The following TMC1 variants were observed in gnomAD, a reference collection of about 807,000 sequenced individuals.
TMC1 encodes transmembrane channel-like protein 1.
Under a neutral mutation model 105.8 loss-of-function variants are expected in TMC1, and 84 were observed. That is an observed-to-expected ratio of 0.79 (90% CI 0.67 to 0.95). The LOEUF (loss-of-function observed/expected upper bound fraction) is 0.95, where lower values mean the gene tolerates loss of function less well. TMC1 is among the 40% of genes least tolerant of loss of function. The pLI is 0.00. For missense variants in TMC1, 817 were observed against 914.1 expected, an observed-to-expected ratio of 0.89 and a Z score of 1.37; for synonymous variants, 315 against 311.5, an observed-to-expected ratio of 1.01 and a Z score of -0.12.
chr9:72,541,456 G>T (rs1426909300), intron 1 of TMC1, among the ~76,000 whole-genome samples: 9 of 152,150 alleles, frequency 5.9e-5, no homozygotes, highest in African/African-American at 2.2e-4. Context: ...GGGAGGCTGA[G>T]GCGGGCCGAT....
chr9:72,724,541 C>T (rs1827083736), intron 8 of TMC1, among the ~76,000 whole-genome samples: 1 of 146,138 alleles, frequency 6.8e-6, no homozygotes, highest in Admixed American at 6.9e-5. Context: ...AAATCTTAAA[C>T]TTCAAATAAA....
At chr9:72,601,563 T>G (rs1824816583) in intron 2 of TMC1, among the ~76,000 whole-genome samples, 1 of 152,174 alleles carries the variant, frequency 6.6e-6, no homozygotes, top group Non-Finnish European at 1.5e-5. Flanking sequence ...GAGAATCGCT[T>G]GAACCCAAGA....
intron 5 of TMC1, among the ~76,000 whole-genome samples, chr9:72,660,073 A>T (rs1825950743): frequency 6.6e-6 from 1 of 152,074 alleles, no homozygotes; most frequent in Non-Finnish European, 1.5e-5. Flanking sequence ...CACTGTGTGG[A>T]TTGAAGTGGC....
At chr9:72,619,626 T>G in intron 3 of TMC1, among the ~76,000 whole-genome samples, 1 of 151,876 alleles carries the variant, frequency 6.6e-6, no homozygotes, top group East Asian at 1.9e-4. Context: ...TTATATTTTT[T>G]TAATACAAAA....
At chr9:72,683,203 A>G (rs775524112) in intron 5 of TMC1, among the ~76,000 whole-genome samples, 2 of 152,134 alleles carry the variant, frequency 1.3e-5, no homozygotes, top group Non-Finnish European at 2.9e-5. Flanking sequence ...CAAGTGGCTC[A>G]TTGTTGGGCA....
chr9:72,710,463 T>C (rs1394554364), intron 8 of TMC1, among the ~76,000 whole-genome samples: 2 of 152,308 alleles, frequency 1.3e-5, no homozygotes, highest in South Asian at 2.1e-4. Flanking sequence ...CCCACTATTA[T>C]TGTGTTGCTG....
At chr9:72,662,925 A>G (rs1472277311) in intron 5 of TMC1, among the ~76,000 whole-genome samples, 1 of 152,248 alleles carries the variant, frequency 6.6e-6, no homozygotes, top group African/African-American at 2.4e-5. Context: ...TTGCTTAACA[A>G]CTGGGATATA....
chr9:72,784,554 CAG>C (rs1828140579), intron 13 of TMC1, among the ~76,000 whole-genome samples: 1 of 152,166 alleles, frequency 6.6e-6, no homozygotes, highest in Admixed American at 6.5e-5. Context: ...GAACTCAAAA[CAG>C]AACTACCATT....
At chr9:72,705,186 A>G (rs571889209) in intron 8 of TMC1, among the ~76,000 whole-genome samples, 1 of 152,286 alleles carries the variant, frequency 6.6e-6, no homozygotes, top group African/African-American at 2.4e-5. Flanking sequence ...ATACCCAGGT[A>G]GAAAGTAACA....
At chr9:72,749,185 G>A (rs1827538899) in intron 10 of TMC1, among the ~76,000 whole-genome samples, 1 of 152,202 alleles carries the variant, frequency 6.6e-6, no homozygotes, top group Non-Finnish European at 1.5e-5. Flanking sequence ...GTCAGGGATT[G>A]TGTGTAGGTG....
intron 1 of TMC1, among the ~76,000 whole-genome samples, chr9:72,533,797 C>T (rs1823535503): frequency 6.6e-6 from 1 of 152,124 alleles, no homozygotes; most frequent in Non-Finnish European, 1.5e-5. Flanking sequence ...TCTTTTCTCT[C>T]TGTGGACTAG....
At position 72,789,264 on chromosome 9, in the gene TMC1, C is replaced by G. The variant is rs1401880558; in HGVS notation, c.1171C>G (p.Gln391Glu). 3.7e-6 allele frequency: 6 copies of G among 1,613,894 alleles called. No individual in the cohort carries two copies. Among genetic ancestry groups the G allele is most frequent in the Non-Finnish European group, 5.1e-6 (6 of 1,179,952 alleles). ...YLIFWAVKRS[Q>E]EFAQQDPDTL... ...CATCTTTTGGGCTGTGAAGCGATCCCAGGAATTTGCACAGCAAGATCCTGA... is the reference window on the plus strand; with the variant it reads ...CATCTTTTGGGCTGTGAAGCGATCCGAGGAATTTGCACAGCAAGATCCTGA... The change falls in exon 15 of 24, where the codon CAG becomes GAG. Residue 391 changes from glutamine to glutamate, a missense_variant. Transcript: ENST00000297784.
intron 5 of TMC1, among the ~76,000 whole-genome samples, chr9:72,686,545 T>C (rs956655962): frequency 3.3e-5 from 5 of 152,226 alleles, no homozygotes; most frequent in Non-Finnish European, 7.3e-5. Context: ...TCGAGCTTGC[T>C]CTGAGGATCT....
rs116396658 is a variant in TMC1, at chr9:72,591,862, C to T, written c.-306+13839C>T. 5.3e-3 allele frequency among the ~76,000 whole-genome samples: 806 copies of T among 152,214 alleles called. 6 individuals carry two copies. The highest frequency in any genetic ancestry group is 0.019 in the African/African-American group (772 of 41,518). ...TGGGATTATAGCCACTGCACCTTGG[C>T]ACGGAAACCTTGTTAAAATGCAGAT... On this transcript the variant is annotated intron_variant, in intron 2 of 23. Coordinates refer to ENST00000297784, the MANE Select transcript of TMC1 (RefSeq NM_138691.3).
At chr9:72,587,886 A>C (rs1022755351) in intron 2 of TMC1, among the ~76,000 whole-genome samples, 14 of 151,668 alleles carry the variant, frequency 9.2e-5, no homozygotes, top group Non-Finnish European at 2.1e-4. Flanking sequence ...CCCAGGTTTA[A>C]GTGATTCTCC....
chr9:72,535,769 C>T (rs1206176431), intron 1 of TMC1, among the ~76,000 whole-genome samples: 6 of 152,122 alleles, frequency 3.9e-5, no homozygotes, highest in South Asian at 2.1e-4. Flanking sequence ...GAAGAGTAAG[C>T]GGAGCCTTCA....
At chr9:72,774,769 A>G (rs1466266720) in intron 13 of TMC1, among the ~76,000 whole-genome samples, 2 of 152,212 alleles carry the variant, frequency 1.3e-5, no homozygotes. Context: ...CCACCAGCCC[A>G]TGGGAGAATA....
At chr9:72,679,418 C>T (rs1401615950) in intron 5 of TMC1, among the ~76,000 whole-genome samples, 5 of 151,300 alleles carry the variant, frequency 3.3e-5, no homozygotes, top group African/African-American at 1.2e-4. Flanking sequence ...GCCCAACTGG[C>T]TTCACTTAAA....
intron 5 of TMC1, among the ~76,000 whole-genome samples, chr9:72,671,370 C>T (rs12006090): frequency 0.099 from 15,087 of 152,192 alleles, 797 homozygotes; most frequent in Non-Finnish European, 0.13. Context: ...ACAGAGTGAC[C>T]GTCCTGCTTC....
Sources: gnomAD v4.1 joint callset for allele counts (sites outside exome capture counted in the v4.1 genomes callset) on GRCh38, gnomAD v4.1.1 for gene constraint, MANE v1.5 for transcripts, NCBI Gene and HGNC (gene_info 2026-07-23, HGNC 2026-07-21) for gene names.